PDE7B: variants seen among roughly 807,000 people sequenced by gnomAD.
PDE7B encodes phosphodiesterase 7B.
PDE7B carries 29 observed loss-of-function variants against 56.2 expected under a neutral mutation model. The observed-to-expected ratio is 0.52, with a 90% CI of 0.38 to 0.70. The LOEUF is 0.70. Among genes scored for constraint, PDE7B ranks in the 30% least tolerant of loss-of-function variants. The probability of loss-of-function intolerance (pLI) is 0.00; values close to 1 mark genes in which losing one functional copy is unlikely to be tolerated. For missense variants in PDE7B, 490 were observed against 565.0 expected (o/e 0.87, Z 1.35); for synonymous variants, 197 against 196.9 (o/e 1.00, Z 0.00).
intron 1 of PDE7B, among the ~76,000 whole-genome samples, chr6:135,909,665 T>C (rs1014185435): frequency 1.3e-5 from 2 of 152,204 alleles, no homozygotes; most frequent in African/African-American, 2.4e-5. Flanking sequence ...TAGTTCATAA[T>C]AATCATATAT....
chr6:136,001,790 A>G (rs1190338572), intron 2 of PDE7B, among the ~76,000 whole-genome samples: 1 of 152,194 alleles, frequency 6.6e-6, no homozygotes, highest in Non-Finnish European at 1.5e-5. Context: ...GATATTATCC[A>G]GGAGAACTTC....
intron 2 of PDE7B, among the ~76,000 whole-genome samples, chr6:136,009,672 C>T (rs536647021): frequency 6.7e-4 from 102 of 152,206 alleles, no homozygotes; most frequent in Admixed American, 9.8e-4. Context: ...GTGATTTTTG[C>T]ACATTGATTT....
chr6:135,952,014 A>T (rs938569516), intron 2 of PDE7B, among the ~76,000 whole-genome samples: 1 of 152,164 alleles, frequency 6.6e-6, no homozygotes, highest in African/African-American at 2.4e-5. Context: ...GAAAAAATTA[A>T]CTGTGTACTC....
intron 8 of PDE7B, among the ~76,000 whole-genome samples, chr6:136,164,820 A>T (rs1459298434): frequency 6.6e-6 from 1 of 152,220 alleles, no homozygotes; most frequent in African/African-American, 2.4e-5. Flanking sequence ...AAAGAATTTA[A>T]TATTTCTGAC....
At chr6:135,940,447 G>C (rs1236064156) in intron 1 of PDE7B, among the ~76,000 whole-genome samples, 1 of 152,226 alleles carries the variant, frequency 6.6e-6, no homozygotes, top group Non-Finnish European at 1.5e-5. Flanking sequence ...TGTTAGCACA[G>C]AGTAGGCACT....
At chr6:136,039,709 C>T (rs4074263) in intron 2 of PDE7B, among the ~76,000 whole-genome samples, 10,341 of 151,990 alleles carry the variant, frequency 0.068, 449 homozygotes, top group African/African-American at 0.12. Context: ...GTGAGGGAAA[C>T]GAATAAAACT....
intron 2 of PDE7B, among the ~76,000 whole-genome samples, chr6:136,017,514 C>G (rs953134486): frequency 7.3e-6 from 1 of 136,616 alleles, no homozygotes; most frequent in Admixed American, 7.2e-5. Context: ...CGACAGGCCC[C>G]GGTGTGTGAT....
intron 4 of PDE7B, 88 bp from the exon 5 acceptor site, chr6:136,148,999 T>G: frequency 1.2e-5 from 11 of 930,188 alleles, no homozygotes; most frequent in Non-Finnish European, 1.9e-5. Flanking sequence ...TTTCAACTTT[T>G]TAATTGTTTA....
At chr6:136,031,515 G>A (rs922906391) in intron 2 of PDE7B, among the ~76,000 whole-genome samples, 14 of 151,910 alleles carry the variant, frequency 9.2e-5, no homozygotes, top group Non-Finnish European at 1.3e-4. Context: ...CGAGGCGGGC[G>A]GATCACGAGG....
intron 2 of PDE7B, among the ~76,000 whole-genome samples, chr6:135,958,288 C>T (rs1040917190): frequency 6.6e-6 from 1 of 152,044 alleles, no homozygotes; most frequent in Non-Finnish European, 1.5e-5. Flanking sequence ...GTTCATTTTC[C>T]GCTTCTATAA....
At chr6:135,968,612 C>A (rs902423619) in intron 2 of PDE7B, among the ~76,000 whole-genome samples, 1 of 151,706 alleles carries the variant, frequency 6.6e-6, no homozygotes, top group Non-Finnish European at 1.5e-5. Flanking sequence ...CTCAGAACAG[C>A]GATTATTAAA....
At chr6:136,149,489 A>T (rs1399232775) in intron 5 of PDE7B, among the ~76,000 whole-genome samples, 1 of 152,246 alleles carries the variant, frequency 6.6e-6, no homozygotes, top group Non-Finnish European at 1.5e-5. Flanking sequence ...TAGAAACAAA[A>T]GCACATCTGA....
chr6:135,939,064 T>C (rs1254207037), intron 1 of PDE7B, among the ~76,000 whole-genome samples: 1 of 151,826 alleles, frequency 6.6e-6, no homozygotes, highest in African/African-American at 2.4e-5. Flanking sequence ...TTCTGTTCTT[T>C]GACTGAAGAA....
At position 135,901,582 on chromosome 6, in the gene PDE7B, T is replaced by C. The variant is rs189387369; in HGVS notation, c.22-45882T>C. On this transcript the variant is annotated intron_variant, in intron 1 of 12. Transcript: ENST00000308191. Reference sequence around the variant, plus strand: ...TCTCCAAGAGGTAGCCTCTCAGCGATTGGAAGAGCACATTGAGCTGAGAAA... The same window carrying C: ...TCTCCAAGAGGTAGCCTCTCAGCGACTGGAAGAGCACATTGAGCTGAGAAA... Among the ~76,000 whole-genome samples, 558 of 152,220 alleles carry C rather than the reference T, an allele frequency of 3.7e-3. 5 individuals are homozygous for C. The highest frequency in any genetic ancestry group is 4.7e-3 in the Non-Finnish European group (322 of 68,008).
chr6:135,852,017 G>T lies in PDE7B; in HGVS notation c.19G>T (p.Glu7Ter). MSCLMVERCGEILFENP... is the reference protein window; with the variant it reads MSCLMV Reference sequence around the variant, plus strand: ...TGGTTAAATGTCTTGTTTAATGGTTGAGGTATGTACAACAAATTTAAGCGG... The same window carrying T: ...TGGTTAAATGTCTTGTTTAATGGTTTAGGTATGTACAACAAATTTAAGCGG... Residue 7 changes from glutamate to a stop codon, truncating the protein, a stop_gained and splice_region_variant, in exon 1 of 13, where the codon GAG (glutamate) becomes TAG (stop). Transcript: ENST00000308191. LOFTEE classifies it high-confidence loss of function. 6.2e-7 allele frequency: 1 copy of T among 1,607,040 alleles called. No homozygotes were observed.
rs1284517641 is a variant in PDE7B, at chr6:136,134,503, TG to T, written c.167-12847del. Among the ~76,000 whole-genome samples the T allele has an allele frequency of 2.0e-5, 3 of 152,210 alleles. No homozygotes were observed. In the East Asian group the frequency reaches 5.8e-4, roughly 29 times the overall value. On this transcript the variant is annotated intron_variant, in intron 3 of 12. Coordinates refer to ENST00000308191, the MANE Select transcript of PDE7B (RefSeq NM_018945.4). ...CAATAAAACCACATTGCGCCTGGCA[TG>T]TATTTCTTCTTTAGGACTGAGGAAA... is the stretch of plus-strand genomic sequence containing the variant.
intron 1 of PDE7B, among the ~76,000 whole-genome samples, chr6:135,929,429 G>T (rs374278145): frequency 6.6e-6 from 1 of 152,082 alleles, no homozygotes; most frequent in African/African-American, 2.4e-5. Flanking sequence ...TTTGCTATAA[G>T]TATAAAATAT....
intron 9 of PDE7B, among the ~76,000 whole-genome samples, chr6:136,174,778 G>A (rs1426887641): frequency 6.6e-6 from 1 of 152,142 alleles, no homozygotes; most frequent in Non-Finnish European, 1.5e-5. Flanking sequence ...CCAGAGGAAT[G>A]TGAAATTTGC....
chr6:135,883,946 C>T (rs190578032), intron 1 of PDE7B, among the ~76,000 whole-genome samples: 167 of 152,290 alleles, frequency 1.1e-3, no homozygotes, highest in Non-Finnish European at 1.9e-3. Flanking sequence ...ATTTCCCCAT[C>T]GGCAAAGTCA....
Sources: allele counts gnomAD v4.1 joint callset (sites outside exome capture counted in the v4.1 genomes callset), GRCh38; gene constraint gnomAD v4.1.1; transcripts MANE v1.5; gene names NCBI Gene and HGNC (gene_info 2026-07-23, HGNC 2026-07-21).